The following LOC128706665 variants were observed in gnomAD, a reference collection of about 807,000 sequenced individuals.
At chr20:10,429,152 C>T in the LOC128706665 span, among the ~76,000 whole-genome samples, 2 of 152,200 alleles carry the variant, frequency 1.3e-5, no homozygotes, top group African/African-American at 2.4e-5. Context: ...CCCATTCCAT[C>T]TTCAAACCCA....
At chr20:10,414,525 A>C in the LOC128706665 span, among the ~76,000 whole-genome samples, 7 of 152,104 alleles carry the variant, frequency 4.6e-5, no homozygotes, top group African/African-American at 1.7e-4. Context: ...TCTGCCTCCC[A>C]AAGTGCTGGG....
the LOC128706665 span, among the ~76,000 whole-genome samples, chr20:10,418,645 A>G: frequency 6.6e-6 from 1 of 152,146 alleles, no homozygotes; most frequent in South Asian, 2.1e-4. Flanking sequence ...AACATTTTAG[A>G]GGAGATTCTT....
At chr20:10,428,998 T>C in the LOC128706665 span, among the ~76,000 whole-genome samples, 1 of 152,180 alleles carries the variant, frequency 6.6e-6, no homozygotes, top group Non-Finnish European at 1.5e-5. Flanking sequence ...TTAAGGGCCT[T>C]TCTCTTTTGC....
the LOC128706665 span, among the ~76,000 whole-genome samples, chr20:10,429,690 T>A: frequency 2.0e-5 from 3 of 152,194 alleles, no homozygotes; most frequent in Non-Finnish European, 2.9e-5. Context: ...ACTCAGCACA[T>A]CCTGCCATTT....
the LOC128706665 span, among the ~76,000 whole-genome samples, chr20:10,423,455 A>G: frequency 6.6e-6 from 1 of 152,206 alleles, no homozygotes; most frequent in African/African-American, 2.4e-5. Context: ...GAGACTGGAT[A>G]GGATAAAAGG....
the LOC128706665 span, among the ~76,000 whole-genome samples, chr20:10,433,739 C>T: frequency 6.6e-6 from 1 of 152,110 alleles, no homozygotes; most frequent in Non-Finnish European, 1.5e-5. Context: ...ACCCTCCAGA[C>T]AGTCAGGGGC....
the LOC128706665 span, among the ~76,000 whole-genome samples, chr20:10,431,086 C>A: frequency 7.6e-3 from 1,164 of 152,224 alleles, 9 homozygotes; most frequent in Non-Finnish European, 0.012. Context: ...TAGTACAGTG[C>A]CTAGCATGTG....
the LOC128706665 span, among the ~76,000 whole-genome samples, chr20:10,421,880 C>T: frequency 1.3e-5 from 2 of 151,968 alleles, no homozygotes; most frequent in Non-Finnish European, 2.9e-5. Context: ...TCTGGACAAC[C>T]TCTAAAGACT....
At chr20:10,427,029 G>GACACACACACACACACACACAC in the LOC128706665 span, among the ~76,000 whole-genome samples, 213 of 130,778 alleles carry the variant, frequency 1.6e-3, 1 homozygote, top group Non-Finnish European at 2.3e-3. Flanking sequence ...AGAAAACACT[G>GACACACACACACACACACACAC]ACACACACAC....
chr20:10,414,604 C>T, the LOC128706665 span, among the ~76,000 whole-genome samples: 1 of 152,118 alleles, frequency 6.6e-6, no homozygotes, highest in East Asian at 1.9e-4. Context: ...TATCTTTATT[C>T]TCCAACATGA....
At chr20:10,414,480 G>C in the LOC128706665 span, among the ~76,000 whole-genome samples, 1 of 151,974 alleles carries the variant, frequency 6.6e-6, no homozygotes, top group Admixed American at 6.6e-5. Context: ...TGCCAGGTTG[G>C]TCTCGAACTC....
chr20:10,414,265 C>CTTT, the LOC128706665 span, among the ~76,000 whole-genome samples: 58 of 132,348 alleles, frequency 4.4e-4, no homozygotes, highest in South Asian at 1.5e-3. Flanking sequence ...GTCTCTGAGT[C>CTTT]TTTTTTTTTT....
At chr20:10,415,099 TAA>T in the LOC128706665 span, among the ~76,000 whole-genome samples, 1 of 151,910 alleles carries the variant, frequency 6.6e-6, no homozygotes, top group Non-Finnish European at 1.5e-5. Context: ...GTGTCCTTGC[TAA>T]AAAAAAGTGT....
the LOC128706665 span, among the ~76,000 whole-genome samples, chr20:10,420,193 A>G: frequency 6.6e-6 from 1 of 152,180 alleles, no homozygotes; most frequent in Non-Finnish European, 1.5e-5. Context: ...AAGAACACTA[A>G]TAGAAGAAAA....
chr20:10,417,227 C>T, the LOC128706665 span, among the ~76,000 whole-genome samples: 1 of 129,932 alleles, frequency 7.7e-6, no homozygotes, highest in Admixed American at 8.6e-5. Context: ...GCCTGGGTGA[C>T]AGAGTGAGAC....
At chr20:10,418,286 G>A in the LOC128706665 span, among the ~76,000 whole-genome samples, 4 of 152,140 alleles carry the variant, frequency 2.6e-5, no homozygotes, top group African/African-American at 9.7e-5. Flanking sequence ...TGGTTGTGGC[G>A]AAATGCCCTT....
the LOC128706665 span, among the ~76,000 whole-genome samples, chr20:10,433,325 G>A: frequency 6.6e-6 from 1 of 152,292 alleles, no homozygotes; most frequent in East Asian, 1.9e-4. Context: ...TTTTCTATCC[G>A]CAGTTGGTTG....
the LOC128706665 span, among the ~76,000 whole-genome samples, chr20:10,429,258 G>C: frequency 9.9e-3 from 1,512 of 152,238 alleles, 16 homozygotes; most frequent in Non-Finnish European, 0.014. Flanking sequence ...GCCTTTTGAT[G>C]TGTTCTTGAG....
chr20:10,426,450 A>AG, the LOC128706665 span, among the ~76,000 whole-genome samples: 3 of 152,292 alleles, frequency 2.0e-5, no homozygotes, highest in African/African-American at 7.2e-5. Flanking sequence ...CTGTTGCCCA[A>AG]GGGGGAGCGT....
Sources: allele counts gnomAD v4.1 joint callset (sites outside exome capture counted in the v4.1 genomes callset), GRCh38; gene constraint gnomAD v4.1.1; transcripts MANE v1.5.